CLPB: variants seen among roughly 807,000 people sequenced by gnomAD.
The protein encoded by CLPB is mitochondrial disaggregase.
A neutral mutation model predicts 78.4 loss-of-function variants in CLPB; 40 were observed. That is an observed-to-expected ratio of 0.51 (90% CI 0.40 to 0.66). CLPB has a LOEUF of 0.66. Among genes scored for constraint, CLPB ranks in the 30% least tolerant of loss-of-function variants. The probability of loss-of-function intolerance (pLI) is 0.00; values close to 1 mark genes in which losing one functional copy is unlikely to be tolerated. For synonymous variants in CLPB, 333 were observed against 348.0 expected, an observed-to-expected ratio of 0.96 and a Z score of 0.48; for missense variants, 780 against 886.9, an observed-to-expected ratio of 0.88 and a Z score of 1.53.
chr11:72,298,787 C>G (rs1211005837), intron 11 of CLPB, among the ~76,000 whole-genome samples: 1 of 152,206 alleles, frequency 6.6e-6, no homozygotes, highest in Non-Finnish European at 1.5e-5. Flanking sequence ...TGTGACCCAT[C>G]ATGCCTGGCC....
intron 5 of CLPB, among the ~76,000 whole-genome samples, chr11:72,346,041 A>T (rs1160695556): frequency 7.9e-5 from 12 of 152,236 alleles, no homozygotes; most frequent in Admixed American, 7.9e-4. Context: ...TTAATATGAA[A>T]TGTGTGAAGA....
Position 72,380,674 on chromosome 11 carries a change from A to T in CLPB, c.543-290T>A, listed in dbSNP as rs57936278. Among the ~76,000 whole-genome samples, 2,852 of 151,646 alleles carry T rather than the reference A, an allele frequency of 0.019. 75 individuals carry two copies. Among genetic ancestry groups the T allele is most frequent in the African/African-American group, 0.063 (2,617 of 41,356 alleles). On this transcript the variant is annotated intron_variant, in intron 3 of 15. Transcript: ENST00000538039. ...GGCAACATAGTGAAACTTCATTTTT[A>T]AAAAAAAAGGCAGCAGCCTCTGAAA...
intron 4 of CLPB, among the ~76,000 whole-genome samples, chr11:72,361,746 A>G (rs1950843285): frequency 6.6e-6 from 1 of 152,224 alleles, no homozygotes; most frequent in Non-Finnish European, 1.5e-5. Flanking sequence ...TTTACAAAGA[A>G]AACACATCAT....
rs1555098495 is a variant in CLPB, at chr11:72,358,891, A to G, written c.764T>C (p.Leu255Pro). 1 of 1,537,968 alleles carries G rather than the reference A, an allele frequency of 6.5e-7. No homozygotes were observed. The highest frequency in any genetic ancestry group is 8.8e-7 in the Non-Finnish European group (1 of 1,133,716). The change falls in exon 5 of 16, where the codon CTG (leucine) becomes CCG (proline). Residue 255 changes from leucine (L) to proline (P), a missense_variant. Leu to Pro is a moderately conservative substitution (Grantham distance 98, BLOSUM62 -3). Coordinates refer to ENST00000538039, the MANE Select transcript of CLPB (RefSeq NM_001258392.3). ...LADDYRTVKE[L>P]LDGGANPLQR... ...ACCTCTGCTCTCACCTCCATCAAGC[A>G]GCTCCTTGACAGTGCGGTAGTCATC...
chr11:72,380,888 T>C (rs1854890452), intron 3 of CLPB, among the ~76,000 whole-genome samples: 1 of 152,092 alleles, frequency 6.6e-6, no homozygotes, highest in South Asian at 2.1e-4. Flanking sequence ...AAAACAATAA[T>C]TAAGTATAAA....
In CLPB at chr11:72,290,022, C is replaced by T. The variant is rs923090692; in HGVS notation, c.*3345G>A. 1 of 152,186 alleles carries T rather than the reference C, an allele frequency of 6.6e-6. No individual in the cohort carries two copies. Among genetic ancestry groups the T allele is most frequent in the African/African-American group, 2.4e-5 (1 of 41,430 alleles). 9.4% of individuals were successfully genotyped at this position (152,186 alleles called of 1,614,324 possible). A position where few individuals can be genotyped will look rare whatever the true frequency, so the allele number is the denominator to read the frequency against. ...GACACTCCGCCAATGATACTCTAGC[C>T]AGGAGTATATATTCTGTCCAGATCT... is the stretch of plus-strand genomic sequence containing the variant. On this transcript the variant is annotated 3_prime_UTR_variant, in exon 16 of 16. Transcript: ENST00000538039.
chr11:72,345,141 G>A (rs61563240), intron 5 of CLPB, among the ~76,000 whole-genome samples: 11,658 of 152,120 alleles, frequency 0.077, 741 homozygotes, highest in East Asian at 0.17. Flanking sequence ...ACCAGAGGAC[G>A]TATGCATTTA....
chr11:72,372,985 TG>T, intron 4 of CLPB: 1 of 1,614,138 alleles, frequency 6.2e-7, no homozygotes, highest in Non-Finnish European at 8.5e-7. Flanking sequence ...TGGTTTGTGA[TG>T]TGCCGGCTTG....
chr11:72,318,696 T>A (rs1183658484), intron 6 of CLPB, among the ~76,000 whole-genome samples: 2 of 152,114 alleles, frequency 1.3e-5, no homozygotes, highest in Non-Finnish European at 2.9e-5. Flanking sequence ...TAGCAAACAA[T>A]CCAATTTTGG....
intron 3 of CLPB, among the ~76,000 whole-genome samples, chr11:72,401,936 C>T (rs77797888): frequency 3.9e-5 from 6 of 152,186 alleles, no homozygotes; most frequent in Non-Finnish European, 2.9e-5. Context: ...TATCTGGCAT[C>T]GGGAGGTAGC....
chr11:72,395,029 T>C (rs1424443690), intron 3 of CLPB, among the ~76,000 whole-genome samples: 1 of 152,102 alleles, frequency 6.6e-6, no homozygotes, highest in African/African-American at 2.4e-5. Flanking sequence ...CTGCAAATGC[T>C]CTCCCCCTAC....
intron 3 of CLPB, among the ~76,000 whole-genome samples, chr11:72,396,575 T>C (rs1301337625): frequency 6.6e-6 from 1 of 152,184 alleles, no homozygotes; most frequent in African/African-American, 2.4e-5. Context: ...TAACCTCAAC[T>C]TTCTCCTTGC....
intron 6 of CLPB, among the ~76,000 whole-genome samples, chr11:72,327,071 A>G (rs761655225): frequency 2.0e-5 from 3 of 152,228 alleles, no homozygotes; most frequent in Non-Finnish European, 4.4e-5. Context: ...GTGACAACGG[A>G]TGAAATGATC....
At chr11:72,367,713 T>A (rs1950970703) in intron 4 of CLPB, among the ~76,000 whole-genome samples, 1 of 151,860 alleles carries the variant, frequency 6.6e-6, no homozygotes, top group African/African-American at 2.4e-5. Context: ...CATCATGCAA[T>A]ATACCCAGGT....
At chr11:72,355,436 G>T (rs1282491122) in intron 5 of CLPB, 1 of 152,184 alleles carries the variant, frequency 6.6e-6, no homozygotes, top group African/African-American at 2.4e-5. Context: ...ATGAGAGTTT[G>T]ATTTCTTTAT....
intron 5 of CLPB, among the ~76,000 whole-genome samples, chr11:72,347,945 T>A (rs1378279288): frequency 6.6e-6 from 1 of 152,160 alleles, no homozygotes; most frequent in Non-Finnish European, 1.5e-5. Flanking sequence ...GGCAACTGCA[T>A]GGAGACATAG....
chr11:72,295,744 A>G lies in CLPB; in HGVS notation c.1330-96T>C, dbSNP rs1472465668. On this transcript the variant is annotated intron_variant, in intron 11 of 15. Coordinates refer to ENST00000538039, the MANE Select transcript of CLPB (RefSeq NM_001258392.3). The stretch of plus-strand genomic sequence containing the variant: ...CTCACCTCCTTCAGGAGGCCTCCCC[A>G]GAGCCCTGTGTCTCCCTCCAGCCCC... 6.4e-6 allele frequency: 8 copies of G among 1,252,598 alleles called. 1 individual carries two copies. The Admixed American group carries it at 1.7e-4, about 26-fold the overall frequency. 77.6% of individuals were successfully genotyped at this position (1,252,598 alleles called of 1,614,324 possible). A position where few individuals can be genotyped will look rare whatever the true frequency, so the allele number is the denominator to read the frequency against.
At chr11:72,358,552 T>C (rs1285410868) in intron 5 of CLPB, among the ~76,000 whole-genome samples, 1 of 151,984 alleles carries the variant, frequency 6.6e-6, no homozygotes, top group Non-Finnish European at 1.5e-5. Flanking sequence ...CTTTTAGGGA[T>C]AGCAAGAGTC....
chr11:72,383,399 C>T (rs1854976733), intron 3 of CLPB, among the ~76,000 whole-genome samples: 2 of 151,686 alleles, frequency 1.3e-5, no homozygotes, highest in South Asian at 2.1e-4. Flanking sequence ...GGCGTGGTGG[C>T]GGGCGCCTGT....
Sources: gnomAD v4.1 joint callset for allele counts (sites outside exome capture counted in the v4.1 genomes callset) on GRCh38, gnomAD v4.1.1 for gene constraint, MANE v1.5 for transcripts, NCBI Gene and HGNC (gene_info 2026-07-23, HGNC 2026-07-21) for gene names.